The following RNF128 variants were observed in gnomAD, a reference collection of about 807,000 sequenced individuals.
RNF128 encodes ring finger protein 128, also known as E3 ubiquitin-protein ligase RNF128.
In RNF128, 13 loss-of-function variants were observed where a neutral mutation model predicts 26.2. That is an observed-to-expected ratio of 0.50 (90% CI 0.32 to 0.79). The LOEUF is 0.79. RNF128 is among the 30% of genes least tolerant of loss of function. The pLI, the probability that RNF128 is intolerant of heterozygous loss-of-function variation, is 0.03. For missense variants in RNF128, 315 were observed against 349.7 expected (o/e 0.90, Z 0.79); for synonymous variants, 149 against 142.5 (o/e 1.05, Z -0.32).
chrX:106,782,844 T>C (rs934514736), intron 2 of RNF128, among the ~76,000 whole-genome samples: 10 of 111,705 alleles, frequency 9.0e-5, no homozygotes, highest in African/African-American at 2.3e-4. Flanking sequence ...AAGCAAGACA[T>C]TCTTCCTCTT....
chrX:106,757,640 C>G (rs1256102693), intron 1 of RNF128, among the ~76,000 whole-genome samples: 1 of 91,648 alleles, frequency 1.1e-5, no homozygotes, highest in Non-Finnish European at 2.2e-5. Context: ...TGCTAGATGA[C>G]GAGTTAGTGG....
chrX:106,699,851 C>G (rs912380809), intron 1 of RNF128, among the ~76,000 whole-genome samples: 1 of 111,058 alleles, frequency 9.0e-6, no homozygotes, highest in African/African-American at 3.3e-5. Flanking sequence ...CTCTCTCTCA[C>G]CACCATCGTT....
intron 1 of RNF128, among the ~76,000 whole-genome samples, chrX:106,733,555 T>A (rs1929536844): frequency 8.9e-6 from 1 of 111,979 alleles, no homozygotes; most frequent in East Asian, 2.8e-4. Context: ...TACCTTGATT[T>A]CTGTACATAG....
rs1928842237 is a variant in RNF128, at chrX:106,694,403, A to AT, written c.405dup (p.Gly136TrpfsTer91). Reference sequence around the variant, plus strand: ...GGCAATCAGACGATACAGATGGCAAATTTTGGTAAGTAATAATTGATTCAC... The same window carrying AT: ...GGCAATCAGACGATACAGATGGCAAATTTTTGGTAAGTAATAATTGATTCAC... On this transcript the variant is annotated frameshift_variant, in exon 1 of 7. Coordinates refer to the RNF128 transcript ENST00000324342. LOFTEE classifies it high-confidence loss of function. 8.5e-7 allele frequency: 1 copy of AT among 1,175,600 alleles called. No homozygotes were observed. Among genetic ancestry groups the AT allele is most frequent in the Non-Finnish European group, 1.1e-6 (1 of 879,151 alleles).
chrX:106,726,737 A>G lies in RNF128; in HGVS notation c.-177A>G, dbSNP rs1033655776. The G allele has an allele frequency of 2.9e-6, 3 of 1,045,012 alleles. No individual in the cohort carries two copies. Among genetic ancestry groups the G allele is most frequent in the South Asian group, 2.7e-5 (1 of 37,234 alleles). The allele number at this position is 1,045,012 out of a possible 1,213,427, so 86.1% of individuals were successfully genotyped here. On this transcript the variant is annotated 5_prime_UTR_variant, in exon 1 of 7. Transcript: ENST00000255499. ...GAAGACTGGAGCTCCGAGGAGCTGC[A>G]TCTGCGGCAACCTGTGTGCTGACGC... is the stretch of plus-strand genomic sequence containing the variant.
chrX:106,694,698 C>T (rs1021974338), intron 1 of RNF128, among the ~76,000 whole-genome samples: 2 of 111,244 alleles, frequency 1.8e-5, no homozygotes, highest in Non-Finnish European at 1.9e-5. Context: ...ATAAACTGTG[C>T]CTTTACCTCT....
intron 1 of RNF128, among the ~76,000 whole-genome samples, chrX:106,739,173 T>C (rs1204500245): frequency 3.6e-5 from 4 of 109,679 alleles, no homozygotes; most frequent in Admixed American, 9.8e-5. Flanking sequence ...TCTGACTTTT[T>C]TTTTGAGACG....
At chrX:106,741,471 T>A (rs761022025) in intron 1 of RNF128, among the ~76,000 whole-genome samples, 2 of 112,042 alleles carry the variant, frequency 1.8e-5, no homozygotes, top group African/African-American at 3.2e-5. Flanking sequence ...AATGCAGCTC[T>A]GGAAGTATGG....
rs1285195192 is a variant in RNF128 at position 106,785,051 on chromosome X, T to G, written c.733-14T>G. On this transcript the variant is annotated splice_polypyrimidine_tract_variant and intron_variant, in intron 2 of 6. Transcript: ENST00000255499. ...AAATAGTTTTTCTAATACCTGCTGT[T>G]TTTTTTTTTACAGAGGCAATTAAAG... 6.2e-6 allele frequency: 7 copies of G among 1,134,683 alleles called. No individual in the cohort carries two copies. Among genetic ancestry groups the G allele is most frequent in the South Asian group, 4.1e-5 (2 of 48,911 alleles). 93.5% of individuals were successfully genotyped at this position (1,134,683 alleles called of 1,213,427 possible).
chrX:106,750,291 T>C, intron 1 of RNF128, among the ~76,000 whole-genome samples: 1 of 112,287 alleles, frequency 8.9e-6, no homozygotes, highest in Middle Eastern at 4.6e-3. Flanking sequence ...GCCTATTTAA[T>C]TTTCACTTTT....
Position 106,727,309 on chromosome X carries a change from C to G in RNF128, c.396C>G (p.Ile132Met), listed in dbSNP as rs1929421577. The part of the protein sequence containing the change: ...RGGGCTFADK[I>M]HLAYERGASG... Reference sequence around the variant, plus strand: ...GGGGCTGCACCTTCGCAGACAAGATCCATCTGGCTTATGAGAGAGGGGCGT... The same window carrying G: ...GGGGCTGCACCTTCGCAGACAAGATGCATCTGGCTTATGAGAGAGGGGCGT... The change falls in exon 1 of 7, where the codon ATC becomes ATG. Residue 132 changes from isoleucine (I) to methionine (M), a missense_variant. Physicochemically the swap from Ile to Met is conservative, Grantham distance 10 (BLOSUM62 1). Coordinates refer to ENST00000255499, the MANE Select transcript of RNF128 (RefSeq NM_194463.2). The G allele has an allele frequency of 8.3e-7, 1 of 1,209,967 alleles. No individual in the cohort carries two copies. Among genetic ancestry groups the G allele is most frequent in the Non-Finnish European group, 1.1e-6 (1 of 895,131 alleles).
rs1286739294 is a variant in RNF128 at position 106,727,424 on chromosome X, C to A, written c.484+27C>A. The A allele has an allele frequency of 2.5e-6, 3 of 1,203,651 alleles. No individual in the cohort carries two copies. The East Asian group carries it at 8.9e-5, about 36-fold the overall frequency. On this transcript the variant is annotated intron_variant, in intron 1 of 6. Transcript: ENST00000255499. ...TGAGTGCAGCTACTAGATTGCACCCCTCCAGACCTCTGCCATGGCCAGTTT... is the reference window on the plus strand; with the variant it reads ...TGAGTGCAGCTACTAGATTGCACCCATCCAGACCTCTGCCATGGCCAGTTT...
intron 1 of RNF128, among the ~76,000 whole-genome samples, chrX:106,708,693 A>G (rs1284727751): frequency 8.9e-6 from 1 of 112,013 alleles, no homozygotes; most frequent in East Asian, 2.8e-4. Context: ...TTTTGGCATC[A>G]TTTTAGTAGC....
At chrX:106,759,176 T>C (rs969871658) in intron 1 of RNF128, among the ~76,000 whole-genome samples, 1 of 111,781 alleles carries the variant, frequency 8.9e-6, no homozygotes, top group Non-Finnish European at 1.9e-5. Context: ...AACAGGTATA[T>C]GAAAAGATGC....
intron 3 of RNF128, among the ~76,000 whole-genome samples, chrX:106,787,351 C>G (rs1438858862): frequency 8.1e-5 from 9 of 111,111 alleles, no homozygotes; most frequent in African/African-American, 2.9e-4. Flanking sequence ...GACTCAAAAG[C>G]TAGATAATGC....
chrX:106,745,379 A>C (rs930355841), intron 1 of RNF128, among the ~76,000 whole-genome samples: 1 of 112,008 alleles, frequency 8.9e-6, no homozygotes, highest in Non-Finnish European at 1.9e-5. Context: ...CCATTGCTTT[A>C]ATCAACAGCT....
chrX:106,733,609 A>C (rs1164679166), intron 1 of RNF128, among the ~76,000 whole-genome samples: 1 of 112,006 alleles, frequency 8.9e-6, no homozygotes, highest in Non-Finnish European at 1.9e-5. Flanking sequence ...ATTTTTTATA[A>C]ATATTAATGT....
chrX:106,741,808 A>G (rs1329673525), intron 1 of RNF128, among the ~76,000 whole-genome samples: 1 of 112,012 alleles, frequency 8.9e-6, no homozygotes, highest in Non-Finnish European at 1.9e-5. Flanking sequence ...CTATAGATAC[A>G]GTGATGAAAG....
At chrX:106,788,596 T>C (rs1194266311) in intron 4 of RNF128, among the ~76,000 whole-genome samples, 1 of 60,647 alleles carries the variant, frequency 1.6e-5, no homozygotes, top group African/African-American at 7.4e-5. Context: ...TAGTATATTA[T>C]GTATAATACA....
Sources: gnomAD v4.1 joint callset for allele counts (sites outside exome capture counted in the v4.1 genomes callset) on GRCh38, gnomAD v4.1.1 for gene constraint, MANE v1.5 for transcripts, NCBI Gene and HGNC (gene_info 2026-07-23, HGNC 2026-07-21) for gene names.